The following NECAB1 variants were observed in gnomAD, a reference collection of about 807,000 sequenced individuals.
NECAB1 encodes the protein N-terminal EF-hand calcium binding protein 1, also known as N-terminal EF-hand calcium-binding protein 1.
A neutral mutation model predicts 57.5 loss-of-function variants in NECAB1; 29 were observed. That is an observed-to-expected ratio of 0.50 (90% CI 0.38 to 0.69). The LOEUF is 0.69. NECAB1 is among the 30% of genes least tolerant of loss of function. The pLI is 0.00. For synonymous variants in NECAB1, 142 were observed against 147.7 expected, an observed-to-expected ratio of 0.96 and a Z score of 0.28; for missense variants, 372 against 413.8, an observed-to-expected ratio of 0.90 and a Z score of 0.88.
intron 2 of NECAB1, among the ~76,000 whole-genome samples, chr8:90,805,329 G>A (rs529956134): frequency 2.2e-4 from 33 of 151,274 alleles, no homozygotes; most frequent in Non-Finnish European, 4.1e-4. Flanking sequence ...ACAGAATAAC[G>A]AAAGGAAGAA....
chr8:90,958,248 T>C lies in NECAB1; in HGVS notation c.*2736T>C, dbSNP rs1811067821. Reference sequence around the variant, plus strand: ...TGTATGTCAATTATTTTCAAATGTCTAAATTCCTTTGGAAATAAAAATATC... The same window carrying C: ...TGTATGTCAATTATTTTCAAATGTCCAAATTCCTTTGGAAATAAAAATATC... On this transcript the variant is annotated 3_prime_UTR_variant, in exon 13 of 13. Transcript: ENST00000417640. The C allele has an allele frequency of 6.6e-6, 1 of 151,664 alleles. No individual in the cohort carries two copies. The highest frequency in any genetic ancestry group is 6.6e-5 in the Admixed American group (1 of 15,176). The allele number at this position is 151,664 out of a possible 1,614,324, so 9.4% of individuals were successfully genotyped here.
chr8:90,922,218 A>G (rs1810132376), intron 6 of NECAB1, among the ~76,000 whole-genome samples: 2 of 152,246 alleles, frequency 1.3e-5, no homozygotes. Context: ...TTTTCATTAT[A>G]TGTGGATTTC....
chr8:90,845,691 G>GA (rs1406980474), intron 3 of NECAB1, among the ~76,000 whole-genome samples: 1 of 152,032 alleles, frequency 6.6e-6, no homozygotes, highest in African/African-American at 2.4e-5. Context: ...TTTGTCACCA[G>GA]AAAAAAATCA....
intron 5 of NECAB1, among the ~76,000 whole-genome samples, chr8:90,913,318 T>G (rs1458334634): frequency 2.6e-5 from 4 of 152,120 alleles, no homozygotes; most frequent in Admixed American, 6.6e-5. Context: ...ATGGAGGTAT[T>G]AATACTACTT....
chr8:90,949,549 T>C (rs1489216777), intron 10 of NECAB1, among the ~76,000 whole-genome samples: 1 of 152,144 alleles, frequency 6.6e-6, no homozygotes, highest in African/African-American at 2.4e-5. Context: ...ATGTCTGCAA[T>C]ATACTGAGAC....
At chr8:90,846,824 C>A (rs1324316641) in intron 3 of NECAB1, among the ~76,000 whole-genome samples, 1 of 152,124 alleles carries the variant, frequency 6.6e-6, no homozygotes, top group South Asian at 2.1e-4. Context: ...ATCATGAGAA[C>A]AGCATGGGAA....
At chr8:90,954,105 A>C (rs1177731727) in intron 12 of NECAB1, among the ~76,000 whole-genome samples, 1 of 150,370 alleles carries the variant, frequency 6.7e-6, no homozygotes, top group Non-Finnish European at 1.5e-5. Flanking sequence ...TAAATAAATA[A>C]ATAAATAAAT....
At chr8:90,834,977 CCTGA>C (rs1013396094) in intron 3 of NECAB1, among the ~76,000 whole-genome samples, 49 of 146,550 alleles carry the variant, frequency 3.3e-4, no homozygotes, top group African/African-American at 1.1e-3. Context: ...GAAAGCTTTC[CCTGA>C]CTTTCTTTTT....
intron 5 of NECAB1, among the ~76,000 whole-genome samples, chr8:90,882,788 G>GT (rs1412980728): frequency 2.6e-5 from 4 of 152,088 alleles, no homozygotes; most frequent in African/African-American, 9.7e-5. Context: ...GCAGTGTCTG[G>GT]TTTTTTGTTT....
rs556203106 is a variant in NECAB1 at position 90,950,624 on chromosome 8, T to C, written c.939-489T>C. On this transcript the variant is annotated intron_variant, in intron 11 of 12. Coordinates refer to ENST00000417640, the MANE Select transcript of NECAB1 (RefSeq NM_022351.5). Reference sequence around the variant, plus strand: ...AGTTGATCCATGTTTCACCTAAAAGTTTTATTTTTGTGGCAATTTTGAAGG... The same window carrying C: ...AGTTGATCCATGTTTCACCTAAAAGCTTTATTTTTGTGGCAATTTTGAAGG... Among the ~76,000 whole-genome samples, 6 of 152,204 alleles carry C rather than the reference T, an allele frequency of 3.9e-5. No individual in the cohort carries two copies. In the South Asian group the frequency reaches 1.2e-3, roughly 32 times the overall value.
intron 7 of NECAB1, among the ~76,000 whole-genome samples, chr8:90,926,901 T>C (rs1810285010): frequency 6.6e-6 from 1 of 152,156 alleles, no homozygotes; most frequent in South Asian, 2.1e-4. Flanking sequence ...GGTGCAAGGG[T>C]ATATACAGAT....
intron 3 of NECAB1, among the ~76,000 whole-genome samples, chr8:90,866,824 C>T (rs371950441): frequency 1.3e-5 from 2 of 152,094 alleles, no homozygotes; most frequent in Non-Finnish European, 2.9e-5. Context: ...ATTAGTTCAA[C>T]CATTGTGGAA....
intron 5 of NECAB1, among the ~76,000 whole-genome samples, chr8:90,887,947 GA>G (rs1161665876): frequency 6.6e-6 from 1 of 152,188 alleles, no homozygotes. Context: ...GTGGTAGGTA[GA>G]AGCTCCAGGT....
intron 2 of NECAB1, 92 bp downstream of exon 2, chr8:90,801,807 G>A: frequency 1.2e-6 from 1 of 855,326 alleles, no homozygotes; most frequent in East Asian, 2.8e-5. Context: ...GACAGTCCGG[G>A]AAAATTACAT....
intron 2 of NECAB1, among the ~76,000 whole-genome samples, chr8:90,818,206 G>T (rs1238563593): frequency 6.6e-6 from 1 of 151,684 alleles, no homozygotes; most frequent in Non-Finnish European, 1.5e-5. Context: ...CTGATTAGAG[G>T]TTTATCAAGT....
chr8:90,911,740 T>C (rs1423316237), intron 5 of NECAB1, among the ~76,000 whole-genome samples: 1 of 152,184 alleles, frequency 6.6e-6, no homozygotes. Context: ...GCAATAATTC[T>C]GAGGTGAAGT....
chr8:90,817,191 A>G (rs1313987619), intron 2 of NECAB1, among the ~76,000 whole-genome samples: 1 of 151,688 alleles, frequency 6.6e-6, no homozygotes, highest in Non-Finnish European at 1.5e-5. Context: ...TTTTAACTCT[A>G]GGGTTTTTGT....
intron 5 of NECAB1, among the ~76,000 whole-genome samples, chr8:90,913,236 A>T (rs953095400): frequency 4.6e-5 from 7 of 152,330 alleles, no homozygotes; most frequent in African/African-American, 1.7e-4. Context: ...AATGAATTCT[A>T]GCCCTGTTCC....
chr8:90,802,433 A>G lies in NECAB1; in HGVS notation c.124+718A>G, dbSNP rs114734164. 2.9e-3 allele frequency among the ~76,000 whole-genome samples: 436 copies of G among 152,326 alleles called. 4 individuals carry two copies. Among genetic ancestry groups the G allele is most frequent in the African/African-American group, 9.7e-3 (404 of 41,576 alleles). On this transcript the variant is annotated intron_variant, in intron 2 of 12. Transcript: ENST00000417640. ...AACTTTGTCCCAGAGAACACCAAATAAAAGCTTGTTTTGTTTTTGTTTTGT... is the reference window on the plus strand; with the variant it reads ...AACTTTGTCCCAGAGAACACCAAATGAAAGCTTGTTTTGTTTTTGTTTTGT...
Sources: allele counts gnomAD v4.1 joint callset (sites outside exome capture counted in the v4.1 genomes callset), GRCh38; gene constraint gnomAD v4.1.1; transcripts MANE v1.5; gene names NCBI Gene and HGNC (gene_info 2026-07-23, HGNC 2026-07-21).